The following ARHGAP8 variants were observed in gnomAD, a reference collection of about 807,000 sequenced individuals.
The protein encoded by ARHGAP8 is rho GTPase-activating protein 8.
Under a neutral mutation model 46.1 loss-of-function variants are expected in ARHGAP8, and 62 were observed. The ratio of observed to expected loss-of-function variants is 1.34; its 90% CI spans 1.10 to 1.66. The LOEUF is 1.66. ARHGAP8 is among the 40% of genes most tolerant of loss of function. ARHGAP8 has a pLI of 0.00. For missense variants in ARHGAP8, 923 were observed against 568.4 expected (o/e 1.62, Z -6.34); for synonymous variants, 375 against 243.1 (o/e 1.54, Z -5.05).
chr22:44,860,828 C>G (rs997507913), intron 11 of ARHGAP8, among the ~76,000 whole-genome samples: 8 of 152,194 alleles, frequency 5.3e-5, no homozygotes, highest in Non-Finnish European at 1.2e-4. Flanking sequence ...AATGTTTAAC[C>G]CCCTCCATCT....
intron 1 of ARHGAP8, among the ~76,000 whole-genome samples, chr22:44,768,013 T>G (rs1271029698): frequency 1.6e-5 from 2 of 126,116 alleles, no homozygotes; most frequent in African/African-American, 5.9e-5. Context: ...TTTTTTTTTT[T>G]TTGTGAGACA....
At chr22:44,757,930 C>T (rs2349844) in intron 1 of ARHGAP8, among the ~76,000 whole-genome samples, 113,377 of 151,698 alleles carry the variant, frequency 0.75, 42,378 homozygotes, top group Middle Eastern at 0.76. Flanking sequence ...GCAGGGATTA[C>T]AGGCATGACC....
chr22:44,777,773 G>A (rs1170447011), intron 1 of ARHGAP8, among the ~76,000 whole-genome samples: 1 of 152,084 alleles, frequency 6.6e-6, no homozygotes, highest in Non-Finnish European at 1.5e-5. Flanking sequence ...TTGGCTCACT[G>A]CAACCTCCGC....
intron 5 of ARHGAP8, among the ~76,000 whole-genome samples, chr22:44,819,545 C>A (rs548692936): frequency 6.6e-6 from 1 of 152,188 alleles, no homozygotes; most frequent in African/African-American, 2.4e-5. Context: ...TGGTGGCAGG[C>A]GCCTGTAATC....
intron 9 of ARHGAP8, 78 bp from the exon 10 acceptor site, chr22:44,848,852 CCT>C (rs1424316023): frequency 1.9e-5 from 30 of 1,591,806 alleles, no homozygotes; most frequent in Non-Finnish European, 2.6e-5. Context: ...CATCTCACGC[CCT>C]GTGTCTCAGA....
At chr22:44,789,438 A>G (rs1026191554) in intron 2 of ARHGAP8, among the ~76,000 whole-genome samples, 22 of 150,738 alleles carry the variant, frequency 1.5e-4, no homozygotes, top group Admixed American at 1.1e-3. Flanking sequence ...GGTGTGAGCC[A>G]CTGCGCCCGG....
At chr22:44,782,909 A>C (rs932803455) in intron 1 of ARHGAP8, among the ~76,000 whole-genome samples, 4 of 152,118 alleles carry the variant, frequency 2.6e-5, no homozygotes, top group African/African-American at 4.8e-5. Context: ...TTTCCACGGC[A>C]CGCTTTAGCA....
At chr22:44,857,816 C>G (rs2070274755) in intron 10 of ARHGAP8, among the ~76,000 whole-genome samples, 1 of 151,722 alleles carries the variant, frequency 6.6e-6, no homozygotes, top group African/African-American at 2.4e-5. Flanking sequence ...TTCCTCCTCT[C>G]TCTACACTGG....
intron 2 of ARHGAP8, among the ~76,000 whole-genome samples, chr22:44,791,244 G>A (rs1404146134): frequency 1.3e-5 from 2 of 152,140 alleles, no homozygotes; most frequent in African/African-American, 4.8e-5. Context: ...GGGGCTGTGC[G>A]CTGTGCTGGG....
intron 1 of ARHGAP8, among the ~76,000 whole-genome samples, chr22:44,764,609 T>C (rs1229434740): frequency 6.6e-6 from 1 of 152,314 alleles, no homozygotes; most frequent in East Asian, 1.9e-4. Context: ...CTGTGTGCCT[T>C]TGGGCAAGCC....
At chr22:44,818,498 G>C (rs1471749888) in intron 5 of ARHGAP8, among the ~76,000 whole-genome samples, 1 of 149,642 alleles carries the variant, frequency 6.7e-6, no homozygotes, top group Non-Finnish European at 1.5e-5. Context: ...ACGTGGCAGC[G>C]TGATGGTGAT....
chr22:44,855,481 T>C (rs991144039), intron 10 of ARHGAP8, among the ~76,000 whole-genome samples: 3 of 152,234 alleles, frequency 2.0e-5, no homozygotes, highest in East Asian at 1.9e-4. Flanking sequence ...CAAGATCTTA[T>C]AACTTTCATA....
At chr22:44,814,528 C>A (rs1360043611) in intron 4 of ARHGAP8, 144 bp from the exon 5 acceptor site, 2 of 694,754 alleles carry the variant, frequency 2.9e-6, no homozygotes, top group African/African-American at 1.8e-5. Context: ...TTATTTCATT[C>A]TTTGTTTGAT....
At chr22:44,853,305 G>A (rs968738133) in intron 10 of ARHGAP8, among the ~76,000 whole-genome samples, 2 of 152,166 alleles carry the variant, frequency 1.3e-5, no homozygotes, top group African/African-American at 4.8e-5. Context: ...AGGACTATCC[G>A]TACATCATCT....
intron 10 of ARHGAP8, among the ~76,000 whole-genome samples, chr22:44,858,174 G>A (rs111810709): frequency 0.014 from 2,203 of 152,296 alleles, 51 homozygotes; most frequent in African/African-American, 0.05. Context: ...CTTGTGTCCT[G>A]GCAGTGGGTG....
chr22:44,765,673 C>T (rs971233135), intron 1 of ARHGAP8, among the ~76,000 whole-genome samples: 5 of 152,126 alleles, frequency 3.3e-5, no homozygotes, highest in Admixed American at 6.5e-5. Context: ...GGAGTCCCCC[C>T]GGGCCAAGGA....
intron 1 of ARHGAP8, among the ~76,000 whole-genome samples, chr22:44,759,630 C>CAG (rs148451895): frequency 0.087 from 13,237 of 152,158 alleles, 609 homozygotes; most frequent in Non-Finnish European, 0.094. Context: ...CCCAGCTGCG[C>CAG]AGAGACTCTC....
chr22:44,803,114 C>A (rs1308527974), intron 3 of ARHGAP8, among the ~76,000 whole-genome samples: 1 of 152,064 alleles, frequency 6.6e-6, no homozygotes, highest in Non-Finnish European at 1.5e-5. Context: ...AGGAAATCAC[C>A]CCTGTGGTTT....
chr22:44,771,665 C>G (rs1184302672), intron 1 of ARHGAP8, among the ~76,000 whole-genome samples: 1 of 152,024 alleles, frequency 6.6e-6, no homozygotes, highest in Non-Finnish European at 1.5e-5. Context: ...AGCGATTCTC[C>G]TGCCTCAGAC....
Sources: gnomAD v4.1 joint callset for allele counts (sites outside exome capture counted in the v4.1 genomes callset) on GRCh38, gnomAD v4.1.1 for gene constraint, MANE v1.5 for transcripts, NCBI Gene and HGNC (gene_info 2026-07-23, HGNC 2026-07-21) for gene names.